Variants in PRG4 observed in about 807,000 individuals in gnomAD.
PRG4 encodes articular superficial zone protein.
A neutral mutation model predicts 91.2 loss-of-function variants in PRG4; 61 were observed. That is an observed-to-expected ratio of 0.67 (90% CI 0.54 to 0.83). The LOEUF (loss-of-function observed/expected upper bound fraction) is 0.83, where lower values mean the gene tolerates loss of function less well. PRG4 is among the 40% of genes least tolerant of loss of function. The pLI is 0.00. For synonymous variants in PRG4, 576 were observed against 614.2 expected (o/e 0.94, Z 0.92); for missense variants, 1,564 against 1,714.2 (o/e 0.91, Z 1.55).
chr1:186,310,744 T>C (rs1316875658), intron 8 of PRG4, among the ~76,000 whole-genome samples: 3 of 150,926 alleles, frequency 2.0e-5, no homozygotes, highest in Non-Finnish European at 4.4e-5. Context: ...CCAAGCCATC[T>C]ACCCGCCTTA....
At position 186,308,587 on chromosome 1, in the gene PRG4, A is replaced by G. The variant is rs1021634201; in HGVS notation, c.2868A>G (p.Thr956=). Residue 956 remains threonine (T), a synonymous_variant, in exon 7 of 13, where the codon ACA becomes ACG. Coordinates refer to ENST00000445192, the MANE Select transcript of PRG4 (RefSeq NM_005807.6). Reference sequence around the variant, plus strand: ...CTACCGAATCCAAAATAACAGCTACAACCACACAAGTAACATCTACCACAA... The same window carrying G: ...CTACCGAATCCAAAATAACAGCTACGACCACACAAGTAACATCTACCACAA... ...EKTTESKITA[T]TTQVTSTTTQ... is the part of the protein sequence containing the mutation. 9 of 1,613,662 alleles carry G rather than the reference A, an allele frequency of 5.6e-6. No individual in the cohort carries two copies. The highest frequency in any genetic ancestry group is 7.6e-6 in the Non-Finnish European group (9 of 1,180,020).
In PRG4 at chr1:186,308,418, C is replaced by T. The variant is rs764826528; in HGVS notation, c.2699C>T (p.Thr900Ile). 8.1e-6 allele frequency: 13 copies of T among 1,613,820 alleles called. No homozygotes were observed. The highest frequency in any genetic ancestry group is 1.0e-5 in the Non-Finnish European group (12 of 1,180,048). Residue 900 changes from threonine (T) to isoleucine (I), a missense_variant, in exon 7 of 13, where the codon ACA (threonine) becomes ATA (isoleucine). Transcript: ENST00000445192. ...ENSPKEPGVP[T>I]TKTPAATKPE... Reference sequence around the variant, plus strand: ...AGTCCCAAGGAACCTGGTGTACCTACAACTAAGACTCCTGCAGCGACTAAA... The same window carrying T: ...AGTCCCAAGGAACCTGGTGTACCTATAACTAAGACTCCTGCAGCGACTAAA...
Position 186,307,153 on chromosome 1 carries a change from TCCCAAAGAGCCTGC to T in PRG4, c.1435_1448del (p.Pro479ThrfsTer155). 1.1e-6 allele frequency: 1 copy of T among 937,638 alleles called. No homozygotes were observed. Among genetic ancestry groups the T allele is most frequent in the South Asian group, 1.7e-5 (1 of 60,218 alleles). The allele number at this position is 937,638 out of a possible 1,614,324, so 58.1% of individuals were successfully genotyped here. On this transcript the variant is annotated frameshift_variant, in exon 7 of 13. Coordinates refer to ENST00000445192, the MANE Select transcript of PRG4 (RefSeq NM_005807.6). LOFTEE classifies it high-confidence loss of function. ...CCACCAAGGAGCCTGCACCCACCAC[TCCCAAAGAGCCTGC>T]ACCCACTGCCCCCAAGAAGCCTGCC...
chr1:186,298,820 T>C (rs1483645346), intron 2 of PRG4, among the ~76,000 whole-genome samples: 1 of 152,194 alleles, frequency 6.6e-6, no homozygotes, highest in Non-Finnish European at 1.5e-5. Flanking sequence ...CTTGATACTG[T>C]CTTGTCTGCT....
chr1:186,302,255 T>C (rs1656274068), intron 4 of PRG4, among the ~76,000 whole-genome samples: 1 of 152,196 alleles, frequency 6.6e-6, no homozygotes, highest in Admixed American at 6.5e-5. Flanking sequence ...ATTTCTGCAG[T>C]CTCCTCAGCA....
intron 3 of PRG4, among the ~76,000 whole-genome samples, chr1:186,301,272 A>G (rs1321599536): frequency 2.0e-5 from 3 of 152,216 alleles, no homozygotes. Flanking sequence ...TTTCATATGA[A>G]GGCTATCTCA....
chr1:186,309,940 G>C (rs958039896), intron 8 of PRG4, 70 bp downstream of exon 8: 1 of 1,315,036 alleles, frequency 7.6e-7, no homozygotes, highest in Non-Finnish European at 1.1e-6. Context: ...CAAAGCCGTG[G>C]AAGAGTGCTA....
At chr1:186,303,698 A>C (rs1411385374) in intron 4 of PRG4, among the ~76,000 whole-genome samples, 1 of 152,212 alleles carries the variant, frequency 6.6e-6, no homozygotes, top group African/African-American at 2.4e-5. Context: ...ATTTAAATGA[A>C]TATTAAAACA....
rs561627728 is a variant in PRG4, at chr1:186,303,168, A to C, written c.320-940A>C. 1.4e-3 allele frequency among the ~76,000 whole-genome samples: 217 copies of C among 152,302 alleles called. 1 individual carries two copies. Among genetic ancestry groups the C allele is most frequent in the African/African-American group, 4.9e-3 (204 of 41,564 alleles). On this transcript the variant is annotated intron_variant, in intron 4 of 12. Transcript: ENST00000445192. ...TTCAAGAATTGAAGGAATCCCAGCC[A>C]TCCAAGTGCCTCTGAATGTGAAAGA...
In PRG4 at chr1:186,306,731, A is replaced by C. The variant is rs774851889; in HGVS notation, c.1012A>C (p.Thr338Pro). 3.7e-6 allele frequency: 6 copies of C among 1,613,594 alleles called. No individual in the cohort carries two copies. The highest frequency in any genetic ancestry group is 5.1e-6 in the Non-Finnish European group (6 of 1,179,766). ...LAKPTPKAET[T>P]TKGPALTTPK... is the part of the protein sequence containing the mutation. ...TAAACCTACACCCAAAGCTGAAACT[A>C]CAACCAAAGGCCCTGCTCTCACCAC... Residue 338 changes from threonine (T) to proline (P), a missense_variant, in exon 7 of 13, where the codon ACA (threonine) becomes CCA (proline). Coordinates refer to ENST00000445192, the MANE Select transcript of PRG4 (RefSeq NM_005807.6).
rs114265897 is a variant in PRG4, at chr1:186,306,801, C to T, written c.1082C>T (p.Thr361Ile). 1,782 of 1,612,846 alleles carry T rather than the reference C, an allele frequency of 1.1e-3. 24 individuals are homozygous for T. In the African/African-American group the frequency reaches 0.021, roughly 19 times the overall value. The part of the protein sequence containing the change: ...TPTTPKEPAS[T>I]TPKEPTPTTI... ...ACCACTCCCAAGGAGCCTGCATCTA[C>T]CACACCCAAAGAGCCCACACCTACC... Residue 361 changes from threonine to isoleucine, a missense_variant, in exon 7 of 13, where the codon ACC becomes ATC. Thr to Ile is a moderately conservative substitution (Grantham distance 89). Coordinates refer to ENST00000445192, the MANE Select transcript of PRG4 (RefSeq NM_005807.6).
rs781017335 is a variant in PRG4 at position 186,313,941 on chromosome 1, T to TA, written c.*164dup. The TA allele has an allele frequency of 6.2e-7, 1 of 1,603,172 alleles. No homozygotes were observed. The highest frequency in any genetic ancestry group is 1.7e-5 in the Admixed American group (1 of 59,898). On this transcript the variant is annotated 3_prime_UTR_variant, in exon 13 of 13. Coordinates refer to ENST00000445192, the MANE Select transcript of PRG4 (RefSeq NM_005807.6). ...TACACTAAAACAGATTTGATAATCT[T>TA]ATTCACAGTTGTTATTGTTTACAGA...
At chr1:186,298,889 T>A (rs2102007915) in intron 2 of PRG4, among the ~76,000 whole-genome samples, 2 of 152,130 alleles carry the variant, frequency 1.3e-5, no homozygotes, top group South Asian at 4.1e-4. Flanking sequence ...ATATATGTAT[T>A]TATATACATA....
chr1:186,306,305 A>AT lies in PRG4; in HGVS notation c.599-7dup, dbSNP rs1036089184. 2.6e-6 allele frequency: 4 copies of AT among 1,553,242 alleles called. No homozygotes were observed. In the African/African-American group the frequency reaches 5.6e-5, roughly 22 times the overall value. On this transcript the variant is annotated splice_polypyrimidine_tract_variant and intron_variant, in intron 6 of 12. Transcript: ENST00000445192. ...AATATTCTAAAATAACAAGATGTATATTTTTTCTCCAGTAAAAGATAACAA... is the reference window on the plus strand; with the variant it reads ...AATATTCTAAAATAACAAGATGTATATTTTTTTCTCCAGTAAAAGATAACAA...
chr1:186,298,651 C>T lies in PRG4; in HGVS notation c.77-1440C>T, dbSNP rs957851981. Among the ~76,000 whole-genome samples, 13 of 151,856 alleles carry T rather than the reference C, an allele frequency of 8.6e-5. No homozygotes were observed. The South Asian group carries it at 1.7e-3, about 19-fold the overall frequency. On this transcript the variant is annotated intron_variant, in intron 2 of 12. Transcript: ENST00000445192. Reference sequence around the variant, plus strand: ...GATTACAGGCCCCTGCCACCATGCCCGGTTAATTTTTGTATTTTTAGTAAA... The same window carrying T: ...GATTACAGGCCCCTGCCACCATGCCTGGTTAATTTTTGTATTTTTAGTAAA...
chr1:186,306,353 C>T lies in PRG4; in HGVS notation c.634C>T (p.Pro212Ser), dbSNP rs561048279. The change falls in exon 7 of 13, where the codon CCT becomes TCT. Residue 212 changes from proline to serine, a missense_variant. By Grantham distance (74) the Pro-to-Ser change is moderately conservative (BLOSUM62 -1). This residue lies in a region of PRG4 where 437 missense variants were observed against 459.0 expected (regional missense o/e 0.95). Transcript: ENST00000445192. Reference sequence around the variant, plus strand: ...CAAGAAGAACAGAACTAAAAAGAAACCTACCCCCAAACCACCAGTTGTAGA... The same window carrying T: ...CAAGAAGAACAGAACTAAAAAGAAATCTACCCCCAAACCACCAGTTGTAGA... ...DNKKNRTKKK[P>S]TPKPPVVDEA... 2.2e-4 allele frequency: 359 copies of T among 1,606,948 alleles called. 2 individuals are homozygous for T. The South Asian group carries it at 3.9e-3, about 17-fold the overall frequency.
chr1:186,307,138 G>GC lies in PRG4; in HGVS notation c.1421dup (p.Ala475CysfsTer164). ...AGGAGCCTGCACCCACCACCAAGGAGCCTGCACCCACCACTCCCAAAGAGC... is the reference window on the plus strand; with the variant it reads ...AGGAGCCTGCACCCACCACCAAGGAGCCCTGCACCCACCACTCCCAAAGAGC... On this transcript the variant is annotated frameshift_variant, in exon 7 of 13. Coordinates refer to ENST00000445192, the MANE Select transcript of PRG4 (RefSeq NM_005807.6). LOFTEE classifies it high-confidence loss of function. The GC allele has an allele frequency of 8.6e-7, 1 of 1,161,086 alleles. No homozygotes were observed. Among genetic ancestry groups the GC allele is most frequent in the Non-Finnish European group, 1.2e-6 (1 of 834,392 alleles). The allele number at this position is 1,161,086 out of a possible 1,614,324, so 71.9% of individuals were successfully genotyped here. A position where few individuals can be genotyped will look rare whatever the true frequency, so the allele number is the denominator to read the frequency against.
chr1:186,296,966 G>C lies in PRG4; in HGVS notation c.76+15G>C. 6.2e-7 allele frequency: 1 copy of C among 1,600,288 alleles called. No homozygotes were observed. The highest frequency in any genetic ancestry group is 8.6e-7 in the Non-Finnish European group (1 of 1,167,672). On this transcript the variant is annotated intron_variant, in intron 2 of 12. Coordinates refer to ENST00000445192, the MANE Select transcript of PRG4 (RefSeq NM_005807.6). Reference sequence around the variant, plus strand: ...TTCATCTCAAGGTAGCTTAACCATCGAACATACTTTTATTTAACAACTATT... The same window carrying C: ...TTCATCTCAAGGTAGCTTAACCATCCAACATACTTTTATTTAACAACTATT...
intron 2 of PRG4, among the ~76,000 whole-genome samples, chr1:186,297,648 G>C (rs954580224): frequency 6.6e-6 from 1 of 152,140 alleles, no homozygotes; most frequent in Non-Finnish European, 1.5e-5. Flanking sequence ...CATCTAGGGG[G>C]ATTAATAGTA....
Sources: allele counts gnomAD v4.1 joint callset (sites outside exome capture counted in the v4.1 genomes callset), GRCh38; gene constraint gnomAD v4.1.1; regional missense constraint gnomAD v4.1.1; transcripts MANE v1.5; gene names NCBI Gene and HGNC (gene_info 2026-07-23, HGNC 2026-07-21).